Variants in ENY2 observed in about 807,000 individuals in gnomAD.
ENY2 encodes transcription and mRNA export factor ENY2.
Under a neutral mutation model 15.9 loss-of-function variants are expected in ENY2, and 4 were observed. The observed-to-expected ratio is 0.25, with a 90% CI of 0.12 to 0.57. The LOEUF is 0.57. Ranked by LOEUF, ENY2 falls within the 20% of genes least tolerant of loss-of-function variation. The pLI is 0.91. For missense variants in ENY2, 54 were observed against 117.2 expected (o/e 0.46, Z 2.49); for synonymous variants, 48 against 38.0 (o/e 1.26, Z -0.97).
chr8:109,337,670 G>A (rs1251869027), intron 2 of ENY2, among the ~76,000 whole-genome samples: 2 of 152,232 alleles, frequency 1.3e-5, no homozygotes, highest in Non-Finnish European at 2.9e-5. Flanking sequence ...TTGGGAGGCT[G>A]AGGCTGGCAG....
At chr8:109,340,616 A>G (rs770698228) in intron 4 of ENY2, 53 bp downstream of exon 4, 2 of 1,599,588 alleles carry the variant, frequency 1.3e-6, no homozygotes, top group Non-Finnish European at 1.7e-6. Flanking sequence ...TGATTTTTTT[A>G]AAATCTCTTG....
intron 1 of ENY2, chr8:109,334,684 T>C: frequency 1.7e-6 from 1 of 582,340 alleles, no homozygotes; most frequent in East Asian, 3.2e-5. Context: ...CGCCCTGTTC[T>C]ATTTTCCCTA....
In ENY2 at chr8:109,343,618, G is replaced by C. The variant is rs550076537; in HGVS notation, c.*137G>C. 1.2e-5 allele frequency: 7 copies of C among 564,800 alleles called. No individual in the cohort carries two copies. In the South Asian group the frequency reaches 2.6e-4, roughly 21 times the overall value. 35.0% of individuals were successfully genotyped at this position (564,800 alleles called of 1,614,324 possible). Reference sequence around the variant, plus strand: ...TCAGTAATGATGTATACATTGTATTGATTTTTTTCCCTAAATGTGTTATTT... The same window carrying C: ...TCAGTAATGATGTATACATTGTATTCATTTTTTTCCCTAAATGTGTTATTT... On this transcript the variant is annotated 3_prime_UTR_variant, in exon 5 of 5. Transcript: ENST00000521688.
chr8:109,341,914 A>G (rs548050863), intron 4 of ENY2, among the ~76,000 whole-genome samples: 1 of 152,222 alleles, frequency 6.6e-6, no homozygotes, highest in Admixed American at 6.5e-5. Context: ...CAACTCACTA[A>G]TCCTGTTCTC....
At chr8:109,342,162 C>A (rs944181233) in intron 4 of ENY2, among the ~76,000 whole-genome samples, 1 of 149,734 alleles carries the variant, frequency 6.7e-6, no homozygotes, top group African/African-American at 2.5e-5. Context: ...GTTAACCCCC[C>A]CCTTTTTTTT....
chr8:109,340,038 T>C (rs1816081529), intron 3 of ENY2, among the ~76,000 whole-genome samples: 1 of 152,192 alleles, frequency 6.6e-6, no homozygotes, highest in African/African-American at 2.4e-5. Flanking sequence ...ACTGAAAGAA[T>C]AGAGCTGGAT....
Position 109,345,777 on chromosome 8 carries a change from A to G in ENY2, c.*2296A>G, listed in dbSNP as rs1293004423. Reference sequence around the variant, plus strand: ...GAAAATATTTTAAAATGGGATTTAAAAATAATTGAGAACATCACAGCAATT... The same window carrying G: ...GAAAATATTTTAAAATGGGATTTAAGAATAATTGAGAACATCACAGCAATT... On this transcript the variant is annotated 3_prime_UTR_variant, in exon 5 of 5. Transcript: ENST00000521688. The G allele has an allele frequency of 6.6e-6, 1 of 152,230 alleles. No individual in the cohort carries two copies. The highest frequency in any genetic ancestry group is 6.5e-5 in the Admixed American group (1 of 15,286). The allele number at this position is 152,230 out of a possible 1,614,324, so 9.4% of individuals were successfully genotyped here.
At position 109,343,767 on chromosome 8, in the gene ENY2, A is replaced by G. The variant is rs187101429; in HGVS notation, c.*286A>G. 2.1e-4 allele frequency: 67 copies of G among 315,888 alleles called. No homozygotes were observed. In the East Asian group the frequency reaches 4.5e-3, roughly 21 times the overall value. 19.6% of individuals were successfully genotyped at this position (315,888 alleles called of 1,614,324 possible). A position where few individuals can be genotyped will look rare whatever the true frequency, so the allele number is the denominator to read the frequency against. The stretch of plus-strand genomic sequence containing the variant: ...AGCAATTAATGTAGTTTAAGTATTT[A>G]GTATGTACAGTTCTCTGTGTTAACA... On this transcript the variant is annotated 3_prime_UTR_variant, in exon 5 of 5. Coordinates refer to ENST00000521688, the MANE Select transcript of ENY2 (RefSeq NM_020189.6).
rs958711880 is a variant in ENY2, at chr8:109,337,656, C to A, written c.83+1452C>A. ...TAGTGGCTCACGCCTGTAATCCCAG[C>A]ACTTTGGGAGGCTGAGGCTGGCAGA... On this transcript the variant is annotated intron_variant, in intron 2 of 4. Transcript: ENST00000521688. Among the ~76,000 whole-genome samples the A allele has an allele frequency of 1.1e-4, 17 of 152,314 alleles. No homozygotes were observed. In the East Asian group the frequency reaches 2.3e-3, roughly 21 times the overall value.
intron 3 of ENY2, 182 bp from the exon 4 acceptor site, chr8:109,340,307 T>G (rs1275875049): frequency 1.3e-6 from 1 of 790,756 alleles, no homozygotes; most frequent in Non-Finnish European, 1.9e-6. Flanking sequence ...ACGAACAACT[T>G]TTATCTTTTA....
intron 2 of ENY2, among the ~76,000 whole-genome samples, chr8:109,337,928 G>A (rs574827759): frequency 6.6e-6 from 1 of 152,108 alleles, no homozygotes; most frequent in Admixed American, 6.5e-5. Flanking sequence ...AGGATATGAG[G>A]GTGAGCAGGG....
At chr8:109,340,647 G>GT in intron 4 of ENY2, 84 bp downstream of exon 4, 1 of 1,556,016 alleles carries the variant, frequency 6.4e-7, no homozygotes, top group Admixed American at 1.9e-5. Context: ...TTTTCTTTCT[G>GT]TTTTTAAGGA....
In ENY2 at chr8:109,345,532, C is replaced by G. The variant is rs1325957299; in HGVS notation, c.*2051C>G. ...ACCTACCCAAACAAGTTTTTTGTTT[C>G]ACTTCATCTCTTATAAAACAATGTT... is the stretch of plus-strand genomic sequence containing the variant. On this transcript the variant is annotated 3_prime_UTR_variant, in exon 5 of 5. Coordinates refer to ENST00000521688, the MANE Select transcript of ENY2 (RefSeq NM_020189.6). The G allele has an allele frequency of 1.3e-5, 2 of 152,096 alleles. No individual in the cohort carries two copies. Among genetic ancestry groups the G allele is most frequent in the African/African-American group, 2.4e-5 (1 of 41,422 alleles). 9.4% of individuals were successfully genotyped at this position (152,096 alleles called of 1,614,324 possible). A position where few individuals can be genotyped will look rare whatever the true frequency, so the allele number is the denominator to read the frequency against.
Position 109,334,452 on chromosome 8 carries a change from G to A in ENY2, c.-17G>A. 1.2e-6 allele frequency: 2 copies of A among 1,613,928 alleles called. No individual in the cohort carries two copies. The highest frequency in any genetic ancestry group is 1.1e-5 in the South Asian group (1 of 91,048). On this transcript the variant is annotated 5_prime_UTR_variant, in exon 1 of 5. Transcript: ENST00000521688. ...GGTCATTTCGTCGCTGGGAAGGGAC[G>A]GCCCTCGCCCGCGGTGATGGTGGTG...
chr8:109,342,432 TTAAAA>T (rs1436358427), intron 4 of ENY2, among the ~76,000 whole-genome samples: 1 of 150,436 alleles, frequency 6.6e-6, no homozygotes, highest in African/African-American at 2.4e-5. Flanking sequence ...ATGTGTATAC[TTAAAA>T]TATATATTAT....
rs1816210167 is a variant in ENY2 at position 109,345,030 on chromosome 8, A to G, written c.*1549A>G. Reference sequence around the variant, plus strand: ...CTAGTTAGACTAAAGAATCCCCACTATGAAGTTGTTTCATCCGTAAGTACC... The same window carrying G: ...CTAGTTAGACTAAAGAATCCCCACTGTGAAGTTGTTTCATCCGTAAGTACC... On this transcript the variant is annotated 3_prime_UTR_variant, in exon 5 of 5. Coordinates refer to ENST00000521688, the MANE Select transcript of ENY2 (RefSeq NM_020189.6). The G allele has an allele frequency of 6.6e-6, 1 of 152,186 alleles. No individual in the cohort carries two copies. Among genetic ancestry groups the G allele is most frequent in the Non-Finnish European group, 1.5e-5 (1 of 68,038 alleles). The allele number at this position is 152,186 out of a possible 1,614,324, so 9.4% of individuals were successfully genotyped here.
Position 109,343,628 on chromosome 8 carries a change from C to T in ENY2, c.*147C>T. ...TGTATACATTGTATTGATTTTTTTCCCTAAATGTGTTATTTTAATAAATAT... is the reference window on the plus strand; with the variant it reads ...TGTATACATTGTATTGATTTTTTTCTCTAAATGTGTTATTTTAATAAATAT... On this transcript the variant is annotated 3_prime_UTR_variant, in exon 5 of 5. Transcript: ENST00000521688. The T allele has an allele frequency of 1.9e-6, 1 of 538,270 alleles. No homozygotes were observed. Among genetic ancestry groups the T allele is most frequent in the East Asian group, 3.4e-5 (1 of 29,530 alleles). The allele number at this position is 538,270 out of a possible 1,614,324, so 33.3% of individuals were successfully genotyped here.
In ENY2 at chr8:109,339,411, G is replaced by A. The variant is rs2980574; in HGVS notation, c.154+21G>A. The A allele has an allele frequency of 6.2e-6, 10 of 1,605,764 alleles. No individual in the cohort carries two copies. In the African/African-American group the frequency reaches 6.7e-5, roughly 11 times the overall value. The stretch of plus-strand genomic sequence containing the variant: ...TAAAGGTAATCAGTTTCATTTGGAA[G>A]ATAAACTAATCCCATTTTTCTGATC... On this transcript the variant is annotated intron_variant, in intron 3 of 4. Coordinates refer to ENST00000521688, the MANE Select transcript of ENY2 (RefSeq NM_020189.6).
At chr8:109,339,154 C>T (rs1173071574) in intron 2 of ENY2, 166 bp from the exon 3 acceptor site, 1 of 594,620 alleles carries the variant, frequency 1.7e-6, no homozygotes, top group Non-Finnish European at 3.0e-6. Flanking sequence ...TAAGTACTTG[C>T]ATGAGATCAA....
Sources: gnomAD v4.1 joint callset for allele counts (sites outside exome capture counted in the v4.1 genomes callset) on GRCh38, gnomAD v4.1.1 for gene constraint, MANE v1.5 for transcripts, NCBI Gene and HGNC (gene_info 2026-07-23, HGNC 2026-07-21) for gene names.